Variants in SLIT3 observed in about 807,000 individuals in gnomAD.
SLIT3 encodes slit guidance ligand 3, also known as slit homolog 3 protein.
In SLIT3, 68 loss-of-function variants were observed where a neutral mutation model predicts 184.0. That is an observed-to-expected ratio of 0.37 (90% confidence interval 0.30 to 0.45). SLIT3 has a LOEUF of 0.45. Ranked by LOEUF, SLIT3 falls within the 20% of genes least tolerant of loss-of-function variation. The pLI, the probability that SLIT3 is intolerant of heterozygous loss-of-function variation, is 1.00. For missense variants in SLIT3, 1,707 were observed against 2,026.0 expected, an observed-to-expected ratio of 0.84 and a Z score of 3.02; for synonymous variants, 831 against 828.6, an observed-to-expected ratio of 1.00 and a Z score of -0.05.
intron 9 of SLIT3, among the ~76,000 whole-genome samples, chr5:168,805,471 C>G (rs1352773576): frequency 6.6e-6 from 1 of 152,116 alleles, no homozygotes; most frequent in Non-Finnish European, 1.5e-5. Context: ...TCTTTTTAAT[C>G]AAGCCAACTA....
At chr5:169,165,316 C>T (rs1762602144) in intron 4 of SLIT3, among the ~76,000 whole-genome samples, 1 of 152,180 alleles carries the variant, frequency 6.6e-6, no homozygotes. Flanking sequence ...AAAGAGAGAT[C>T]CTATTGTATG....
chr5:168,761,268 A>C (rs1021462613), intron 15 of SLIT3, among the ~76,000 whole-genome samples: 63 of 151,862 alleles, frequency 4.1e-4, no homozygotes, highest in Admixed American at 2.0e-4. Context: ...ACAACTTAAA[A>C]CCCCCAGGAA....
In SLIT3 at chr5:168,676,346, G is replaced by T. The variant is rs115325804; in HGVS notation, c.3687-3015C>A. ...CCTTAGCCTTTCCTATAAAGTAAAT[G>T]ACAACTTATCAATGTAAGGTCTAGC... On this transcript the variant is annotated intron_variant, in intron 32 of 35. Coordinates refer to ENST00000519560, the MANE Select transcript of SLIT3 (RefSeq NM_003062.4). Among the ~76,000 whole-genome samples the T allele has an allele frequency of 7.9e-3, 1,203 of 152,320 alleles. 23 individuals carry two copies. The highest frequency in any genetic ancestry group is 0.028 in the African/African-American group (1,143 of 41,560).
chr5:168,742,860 A>C, intron 20 of SLIT3, among the ~76,000 whole-genome samples: 1 of 151,530 alleles, frequency 6.6e-6, no homozygotes, highest in Non-Finnish European at 1.5e-5. Flanking sequence ...TGATACTGTC[A>C]GAATGTGTCT....
chr5:168,748,939 T>A (rs1243062599), intron 19 of SLIT3, among the ~76,000 whole-genome samples: 1 of 152,204 alleles, frequency 6.6e-6, no homozygotes. Context: ...CCCTCTGGGA[T>A]CCTGAGAACC....
At position 168,797,514 on chromosome 5, in the gene SLIT3, C is replaced by T. The variant is rs73805227; in HGVS notation, c.936-1936G>A. ...TAGCACTGGGTGTGAGGTCTGTGGG[C>T]TCTCTATGCAGTTCCTAATCAATTA... is the stretch of plus-strand genomic sequence containing the variant. On this transcript the variant is annotated intron_variant, in intron 9 of 35. Transcript: ENST00000519560. 3.0e-3 allele frequency among the ~76,000 whole-genome samples: 459 copies of T among 152,302 alleles called. 3 individuals carry two copies. Among genetic ancestry groups the T allele is most frequent in the African/African-American group, 0.011 (449 of 41,568 alleles).
At chr5:168,726,671 G>A (rs1360070119) in intron 20 of SLIT3, among the ~76,000 whole-genome samples, 2 of 151,890 alleles carry the variant, frequency 1.3e-5, no homozygotes, top group Non-Finnish European at 2.9e-5. Flanking sequence ...GGGGCTTACT[G>A]CAGAAAGATG....
chr5:168,780,124 G>C (rs1755917657), intron 12 of SLIT3, among the ~76,000 whole-genome samples: 1 of 152,238 alleles, frequency 6.6e-6, no homozygotes, highest in Non-Finnish European at 1.5e-5. Context: ...TGACTCAGTG[G>C]CCCAGTGCAA....
chr5:168,744,961 T>C (rs540255406), intron 20 of SLIT3, among the ~76,000 whole-genome samples: 38 of 152,380 alleles, frequency 2.5e-4, no homozygotes, highest in African/African-American at 8.9e-4. Context: ...CTGCCATAGA[T>C]GGTGATTCCT....
At chr5:168,838,730 C>G (rs73805243) in intron 6 of SLIT3, among the ~76,000 whole-genome samples, 8,715 of 152,168 alleles carry the variant, frequency 0.057, 836 homozygotes, top group African/African-American at 0.2. Flanking sequence ...TTTTCCACTG[C>G]CTTCCTCTTG....
intron 4 of SLIT3, among the ~76,000 whole-genome samples, chr5:168,918,325 C>A (rs1761512066): frequency 6.6e-6 from 1 of 152,334 alleles, no homozygotes. Context: ...TTCAACTGCG[C>A]ACTGCATTCA....
intron 4 of SLIT3, among the ~76,000 whole-genome samples, chr5:169,058,096 A>G (rs1490245396): frequency 2.6e-5 from 4 of 152,256 alleles, no homozygotes; most frequent in African/African-American, 7.2e-5. Flanking sequence ...GACGAGCGCT[A>G]TTGCAGATGC....
intron 20 of SLIT3, among the ~76,000 whole-genome samples, chr5:168,738,559 A>G (rs1004900110): frequency 6.6e-6 from 1 of 152,212 alleles, no homozygotes; most frequent in African/African-American, 2.4e-5. Context: ...TACCTAAAAG[A>G]AAGACTGGCA....
chr5:168,765,307 A>G (rs776540531), intron 14 of SLIT3, among the ~76,000 whole-genome samples: 28 of 152,266 alleles, frequency 1.8e-4, no homozygotes, highest in Admixed American at 2.6e-4. Flanking sequence ...GGAGCCGCTG[A>G]CCCATTTTAA....
chr5:168,775,120 C>G (rs1413485917), intron 12 of SLIT3, among the ~76,000 whole-genome samples: 1 of 151,504 alleles, frequency 6.6e-6, no homozygotes, highest in Non-Finnish European at 1.5e-5. Flanking sequence ...TCACTGCAAC[C>G]TCCGCCTCTT....
chr5:168,925,893 A>G (rs940498920), intron 4 of SLIT3, among the ~76,000 whole-genome samples: 1 of 152,218 alleles, frequency 6.6e-6, no homozygotes, highest in African/African-American at 2.4e-5. Context: ...TTGCTGAGAA[A>G]CTGATGAGAG....
chr5:168,740,944 C>T (rs544079713), intron 20 of SLIT3, among the ~76,000 whole-genome samples: 75 of 152,336 alleles, frequency 4.9e-4, no homozygotes, highest in South Asian at 1.7e-3. Flanking sequence ...CTGGGTCATT[C>T]TCTGCAGCCC....
At chr5:169,069,964 C>G (rs1758485627) in intron 4 of SLIT3, among the ~76,000 whole-genome samples, 1 of 152,132 alleles carries the variant, frequency 6.6e-6, no homozygotes, top group Non-Finnish European at 1.5e-5. Context: ...AAAGGTTACT[C>G]CACGTGCAGT....
chr5:168,863,326 C>T (rs749992358), intron 5 of SLIT3, among the ~76,000 whole-genome samples: 2 of 152,158 alleles, frequency 1.3e-5, no homozygotes, highest in Non-Finnish European at 2.9e-5. Flanking sequence ...CGATATTCAG[C>T]CAGTGATCTA....
Sources: allele counts gnomAD v4.1 joint callset (sites outside exome capture counted in the v4.1 genomes callset), GRCh38; gene constraint gnomAD v4.1.1; transcripts MANE v1.5; gene names NCBI Gene and HGNC (gene_info 2026-07-23, HGNC 2026-07-21).